The following FAM3A variants were observed in gnomAD, a reference collection of about 807,000 sequenced individuals.
The protein encoded by FAM3A is FAM3 metabolism regulating signaling molecule A.
A neutral mutation model predicts 18.1 loss-of-function variants in FAM3A; 5 were observed. The ratio of observed to expected loss-of-function variants is 0.28; its 90% confidence interval spans 0.14 to 0.58. The LOEUF (loss-of-function observed/expected upper bound fraction) is 0.58. FAM3A is among the 20% of genes least tolerant of loss of function. FAM3A has a pLI of 0.91. For synonymous variants in FAM3A, 108 were observed against 90.2 expected (o/e 1.20, Z -1.12); for missense variants, 154 against 216.6 (o/e 0.71, Z 1.81).
chrX:154,515,557 A>C (rs1301083906), intron 1 of FAM3A, among the ~76,000 whole-genome samples: 1 of 112,160 alleles, frequency 8.9e-6, no homozygotes, highest in African/African-American at 3.2e-5. Flanking sequence ...ACTAATCCTC[A>C]TGTCATAGCT....
chrX:154,507,107 C>T, intron 8 of FAM3A, 96 bp downstream of exon 8: 1 of 1,090,488 alleles, frequency 9.2e-7, no homozygotes. Context: ...GGGACGGTCC[C>T]CTGCTGGGGC....
At chrX:154,515,396 GT>G (rs1317496724) in intron 1 of FAM3A, among the ~76,000 whole-genome samples, 2 of 111,453 alleles carry the variant, frequency 1.8e-5, no homozygotes, top group Non-Finnish European at 3.8e-5. Flanking sequence ...CAGTAGGGCT[GT>G]CATCGGGTTC....
chrX:154,511,501 C>G, intron 3 of FAM3A: 1 of 214,841 alleles, frequency 4.7e-6, no homozygotes. Context: ...CCAGCAGGCC[C>G]AGAAGAAAGA....
At chrX:154,506,940 G>A (rs781954927) in intron 8 of FAM3A, 34 bp from the exon 9 acceptor site, 12 of 1,131,297 alleles carry the variant, frequency 1.1e-5, no homozygotes, top group Middle Eastern at 2.4e-4. Context: ...CATGACTTTG[G>A]CCCTCAGGGA....
intron 6 of FAM3A, 152 bp downstream of exon 6, chrX:154,507,659 C>T: frequency 1.2e-6 from 1 of 814,640 alleles, no homozygotes; most frequent in South Asian, 2.3e-5. Flanking sequence ...CTCCCACAGC[C>T]TCCAGACCAA....
chrX:154,506,590 G>T lies in FAM3A; in HGVS notation c.*221C>A, dbSNP rs1275357679. ...GTTACGAAAAGGAGGCGGGTACCCT[G>T]GGCTCCCGTGACAAAGTGCGGCAGG... On this transcript the variant is annotated 3_prime_UTR_variant, in exon 9 of 9. Coordinates refer to ENST00000447601, the MANE Select transcript of FAM3A (RefSeq NM_021806.4). 14 of 420,342 alleles carry T rather than the reference G, an allele frequency of 3.3e-5. No individual in the cohort carries two copies. Among genetic ancestry groups the T allele is most frequent in the Admixed American group, 8.2e-5 (2 of 24,282 alleles). 34.6% of individuals were successfully genotyped at this position (420,342 alleles called of 1,213,427 possible).
At chrX:154,506,981 T>C (rs927506851) in intron 8 of FAM3A, 75 bp from the exon 9 acceptor site, 1 of 987,275 alleles carries the variant, frequency 1.0e-6, no homozygotes. Flanking sequence ...GGACCCAGGC[T>C]GTCAGTCAAC....
chrX:154,508,891 C>G (rs1361190566), intron 3 of FAM3A: 1 of 413,168 alleles, frequency 2.4e-6, no homozygotes, highest in African/African-American at 2.5e-5. Context: ...TGAAGTAAGT[C>G]AGGCTGGGGG....
rs782199811 is a variant in FAM3A, at chrX:154,511,858, C to T, written c.141G>A (p.Ser47=). The T allele has an allele frequency of 4.4e-5, 53 of 1,207,822 alleles. No homozygotes were observed. Among genetic ancestry groups the T allele is most frequent in the South Asian group, 1.8e-5 (1 of 56,727 alleles). The change falls in exon 3 of 9, where the codon TCG becomes TCA. Residue 47 remains serine, a synonymous_variant. Coordinates refer to ENST00000447601, the MANE Select transcript of FAM3A (RefSeq NM_021806.4). ...IQQLFTSPES[S]VTAAPRARKY... is the part of the protein sequence containing the mutation. Reference sequence around the variant, plus strand: ...TGACAGGGGCCTTACCTGCAGTCACCGAGCTCTCTGGACCTGTGGATACAG... The same window carrying T: ...TGACAGGGGCCTTACCTGCAGTCACTGAGCTCTCTGGACCTGTGGATACAG...
At chrX:154,509,450 TTTGG>T (rs1569555794) in intron 3 of FAM3A, 2 of 113,602 alleles carry the variant, frequency 1.8e-5, no homozygotes, top group Non-Finnish European at 3.7e-5. Flanking sequence ...GGATACAGGT[TTTGG>T]CACCAGGAAG....
In FAM3A at chrX:154,507,184, T is replaced by A; in HGVS notation, c.597+19A>T. The A allele has an allele frequency of 1.7e-6, 2 of 1,187,738 alleles. No homozygotes were observed. On this transcript the variant is annotated intron_variant, in intron 8 of 8. Coordinates refer to ENST00000447601, the MANE Select transcript of FAM3A (RefSeq NM_021806.4). Reference sequence around the variant, plus strand: ...CGACAGGCTGCCCCGGTGGGGGTGATGCCAGGCACCCCCCATACCTGCTCA... The same window carrying A: ...CGACAGGCTGCCCCGGTGGGGGTGAAGCCAGGCACCCCCCATACCTGCTCA...
At chrX:154,514,694 G>A (rs913387554) in intron 1 of FAM3A, among the ~76,000 whole-genome samples, 6 of 111,754 alleles carry the variant, frequency 5.4e-5, no homozygotes, top group Non-Finnish European at 1.1e-4. Context: ...GTGAGCCACC[G>A]CACCCGGCCA....
At chrX:154,512,484 C>G (rs1029109526) in intron 2 of FAM3A, 1 of 259,134 alleles carries the variant, frequency 3.9e-6, no homozygotes, top group African/African-American at 2.8e-5. Context: ...TACCAGTCAA[C>G]AAGGTGGAGA....
rs1053356452 is a variant in FAM3A, at chrX:154,506,591, G to C, written c.*220C>G. On this transcript the variant is annotated 3_prime_UTR_variant, in exon 9 of 9. Transcript: ENST00000447601. The stretch of plus-strand genomic sequence containing the variant: ...TTACGAAAAGGAGGCGGGTACCCTG[G>C]GCTCCCGTGACAAAGTGCGGCAGGG... The C allele has an allele frequency of 7.1e-5, 30 of 420,816 alleles. No individual in the cohort carries two copies. The highest frequency in any genetic ancestry group is 1.0e-4 in the African/African-American group (4 of 40,054). 34.7% of individuals were successfully genotyped at this position (420,816 alleles called of 1,213,427 possible). A position where few individuals can be genotyped will look rare whatever the true frequency, so the allele number is the denominator to read the frequency against.
Position 154,508,600 on chromosome X carries a change from G to A in FAM3A, c.152-3C>T. The A allele has an allele frequency of 8.4e-7, 1 of 1,185,754 alleles. No homozygotes were observed. The highest frequency in any genetic ancestry group is 1.1e-6 in the Non-Finnish European group (1 of 881,919). The stretch of plus-strand genomic sequence containing the variant: ...CTTGTACTTCCTGGCCCGTGGCGCT[G>A]GGCAGGGATAGCAGGTGTTATCCAT... On this transcript the variant is annotated splice_region_variant and splice_polypyrimidine_tract_variant and intron_variant, in intron 3 of 8. Transcript: ENST00000447601.
Position 154,506,801 on chromosome X carries a change from A to ACTGGCCGTGCTAG in FAM3A, c.690_*9dup, listed in dbSNP as rs782168580. 3.2e-5 allele frequency: 39 copies of ACTGGCCGTGCTAG among 1,203,780 alleles called. No individual in the cohort carries two copies. The highest frequency in any genetic ancestry group is 6.5e-5 in the Admixed American group (3 of 45,896). ...TGGCCTCCCTCGGCCCGGTCCTGGC[A>ACTGGCCGTGCTAG]CTGGCCGTGCTAGCTGGCCGTGCTT... On this transcript the variant is annotated 3_prime_UTR_variant, in exon 9 of 9. Transcript: ENST00000447601.
intron 5 of FAM3A, 92 bp downstream of exon 5, chrX:154,508,197 A>G: frequency 1.5e-6 from 1 of 675,931 alleles, no homozygotes; most frequent in Non-Finnish European, 2.1e-6. Flanking sequence ...GAGATCTTGA[A>G]TGGGAGGGGA....
chrX:154,507,893 A>G, intron 5 of FAM3A, 32 bp from the exon 6 acceptor site: 1 of 1,166,815 alleles, frequency 8.6e-7, no homozygotes, highest in Non-Finnish European at 1.2e-6. Context: ...CTGCTGGGTA[A>G]GCCAGGCCAG....
chrX:154,508,376 G>A, intron 4 of FAM3A, 29 bp from the exon 5 acceptor site: 1 of 1,042,929 alleles, frequency 9.6e-7, no homozygotes, highest in South Asian at 2.1e-5. Context: ...GGGGGACGGG[G>A]AGATCCCACA....
Sources: gnomAD v4.1 joint callset for allele counts (sites outside exome capture counted in the v4.1 genomes callset) on GRCh38, gnomAD v4.1.1 for gene constraint, MANE v1.5 for transcripts, NCBI Gene and HGNC (gene_info 2026-07-23, HGNC 2026-07-21) for gene names.